The following MYO15B variants were observed in gnomAD, a reference collection of about 807,000 sequenced individuals.
The protein encoded by MYO15B is myosin XVB, also known as myosin XVB pseudogene.
In MYO15B, 207 loss-of-function variants were observed where a neutral mutation model predicts 119.3. The ratio of observed to expected loss-of-function variants is 1.73; its 90% CI spans 1.55 to 1.95. MYO15B has a LOEUF of 1.95. Among genes scored for constraint, MYO15B ranks in the 30% most tolerant of loss-of-function variants. The probability of loss-of-function intolerance (pLI) is 0.00; values close to 1 mark genes in which losing one functional copy is unlikely to be tolerated. For synonymous variants in MYO15B, 966 were observed against 498.9 expected (o/e 1.94, Z -12.48); for missense variants, 2,264 against 1,203.1 (o/e 1.88, Z -13.04).
At chr17:75,597,828 A>G (rs898835058) in intron 14 of MYO15B, among the ~76,000 whole-genome samples, 15 of 152,298 alleles carry the variant, frequency 9.8e-5, no homozygotes, top group African/African-American at 3.1e-4. Flanking sequence ...AGGTGGATGG[A>G]TTGCTTGAGC....
At chr17:75,626,226 C>A in exon 63 of MYO15B, 1 of 703,032 alleles carries the variant, frequency 1.4e-6, no homozygotes, top group Non-Finnish European at 2.6e-6. Flanking sequence ...TGAGCTGCCA[C>A]AGGTGAGTGG....
In MYO15B at chr17:75,605,638, CTG is replaced by C. The variant is rs1481893096; in HGVS notation, c.4134+22_4134+23del. On this transcript the variant is annotated intron_variant, in intron 20 of 63. Coordinates refer to ENST00000645453, the Ensembl canonical transcript of MYO15B. Reference sequence around the variant, plus strand: ...GCCACCAAGGTGGGTGTGTGTATCCCTGTGTGCAGAGGGCAGCATGAATGGGA... The same window carrying C: ...GCCACCAAGGTGGGTGTGTGTATCCCTGTGCAGAGGGCAGCATGAATGGGA... 2 of 702,784 alleles carry C rather than the reference CTG, an allele frequency of 2.8e-6. No individual in the cohort carries two copies. The highest frequency in any genetic ancestry group is 3.5e-5 in the African/African-American group (2 of 57,242). 43.5% of individuals were successfully genotyped at this position (702,784 alleles called of 1,614,324 possible).
exon 41 of MYO15B, chr17:75,617,094 C>G (rs2058421628): frequency 5.9e-6 from 4 of 677,766 alleles, no homozygotes; most frequent in Admixed American, 2.1e-5. Context: ...GATGCTGTCC[C>G]CCAGCCCAGG....
chr17:75,613,783 G>T lies in MYO15B; in HGVS notation c.5219+6G>T. 1.4e-6 allele frequency: 1 copy of T among 700,522 alleles called. No homozygotes were observed. Among genetic ancestry groups the T allele is most frequent in the Non-Finnish European group, 2.6e-6 (1 of 383,810 alleles). The allele number at this position is 700,522 out of a possible 1,614,324, so 43.4% of individuals were successfully genotyped here. A position where few individuals can be genotyped will look rare whatever the true frequency, so the allele number is the denominator to read the frequency against. On this transcript the variant is annotated splice_donor_region_variant and intron_variant, in intron 29 of 63. Transcript: ENST00000645453. ...GGGTGGATCCTGCAGAGCAGGTATG[G>T]GGACCGGGGATGGGGGACAGTGTGG...
chr17:75,590,665 G>A lies in MYO15B; in HGVS notation c.2226G>A (p.Lys742=), dbSNP rs144598115. Residue 742 remains lysine (K), a synonymous_variant, in exon 2 of 64, where the codon AAG becomes AAA. Transcript: ENST00000645453. ...GCTCTGTGCTGCTGTGCCTCAAGAA[G>A]AGATTTCACCTGGGCCGTATCTATG... The A allele has an allele frequency of 5.9e-3, 1,113 of 189,340 alleles. 13 individuals are homozygous for A. The highest frequency in any genetic ancestry group is 0.024 in the African/African-American group (1,048 of 43,024). The allele number at this position is 189,340 out of a possible 1,614,324, so 11.7% of individuals were successfully genotyped here.
intron 55 of MYO15B, 27 bp downstream of exon 55, chr17:75,624,091 A>C: frequency 1.4e-6 from 1 of 702,906 alleles, no homozygotes; most frequent in South Asian, 1.5e-5. Flanking sequence ...GAGATGGAGG[A>C]GAGGCAGGGG....
intron 28 of MYO15B, 113 bp downstream of exon 28, chr17:75,613,584 T>G: frequency 1.5e-6 from 1 of 648,112 alleles, no homozygotes; most frequent in Non-Finnish European, 2.8e-6. Flanking sequence ...CTGTCCTCAG[T>G]GACCCTGATC....
At chr17:75,588,690 C>T in exon 1 of MYO15B, 1 of 399,650 alleles carries the variant, frequency 2.5e-6, no homozygotes. Context: ...GCCTGGACAG[C>T]GACTGGCCCC....
chr17:75,615,351 T>C lies in MYO15B; in HGVS notation c.5740+13T>C. 1 of 701,088 alleles carries C rather than the reference T, an allele frequency of 1.4e-6. No homozygotes were observed. Among genetic ancestry groups the C allele is most frequent in the Non-Finnish European group, 2.6e-6 (1 of 383,830 alleles). 43.4% of individuals were successfully genotyped at this position (701,088 alleles called of 1,614,324 possible). On this transcript the variant is annotated intron_variant, in intron 34 of 63. Transcript: ENST00000645453. Reference sequence around the variant, plus strand: ...CCTGCCATGCCAGGTAAGTCTGGGCTGGGGGCACCAGAGTCCCTTCTCAGG... The same window carrying C: ...CCTGCCATGCCAGGTAAGTCTGGGCCGGGGGCACCAGAGTCCCTTCTCAGG...
intron 20 of MYO15B, 108 bp downstream of exon 20, chr17:75,605,729 G>C (rs999085961): frequency 1.5e-6 from 1 of 670,962 alleles, no homozygotes; most frequent in South Asian, 1.6e-5. Flanking sequence ...TCCAAGTGGT[G>C]GGAGACAGAA....
exon 21 of MYO15B, chr17:75,605,963 A>G (rs1169906735): frequency 1.4e-6 from 1 of 702,654 alleles, no homozygotes; most frequent in South Asian, 1.5e-5. Context: ...CCACACCTGC[A>G]TCTCCCGCCA....
exon 58 of MYO15B, chr17:75,624,617 C>T: frequency 1.4e-6 from 1 of 702,906 alleles, no homozygotes; most frequent in Non-Finnish European, 2.6e-6. Flanking sequence ...AGGAATTCGC[C>T]CTCTTCCTCA....
rs921267101 is a variant in MYO15B at position 75,607,780 on chromosome 17, A to G, written c.4292+1759A>G. Among the ~76,000 whole-genome samples the G allele has an allele frequency of 2.6e-5, 4 of 151,990 alleles. No individual in the cohort carries two copies. In the East Asian group the frequency reaches 7.7e-4, roughly 29 times the overall value. The stretch of plus-strand genomic sequence containing the variant: ...CCGGCCTGTTCTAGTCTGTTTACAA[A>G]TCTTTGGGGTATAGGCCAAGGAGTG... On this transcript the variant is annotated intron_variant, in intron 21 of 63. Transcript: ENST00000645453.
intron 29 of MYO15B, 97 bp downstream of exon 29, chr17:75,613,874 G>A: frequency 1.6e-6 from 1 of 616,090 alleles, no homozygotes; most frequent in Non-Finnish European, 2.9e-6. Context: ...CGGGAGGAGA[G>A]GTGCCCCGGG....
chr17:75,625,960 A>T (rs2059025110), exon 62 of MYO15B: 1 of 702,216 alleles, frequency 1.4e-6, no homozygotes. Flanking sequence ...TCTCATCCTC[A>T]TGGACCCCAG....
In MYO15B at chr17:75,606,325, T is replaced by C. The variant is rs534992254; in HGVS notation, c.4292+304T>C. On this transcript the variant is annotated intron_variant, in intron 21 of 63. Coordinates refer to ENST00000645453, the Ensembl canonical transcript of MYO15B. ...ACACTGTGGGAACAATCTTTGTTTTTTTTTTTGAGTTGGAGTTTTGCTCTT... is the reference window on the plus strand; with the variant it reads ...ACACTGTGGGAACAATCTTTGTTTTCTTTTTTGAGTTGGAGTTTTGCTCTT... Among the ~76,000 whole-genome samples the C allele has an allele frequency of 7.9e-5, 12 of 152,254 alleles. No homozygotes were observed. The South Asian group carries it at 2.5e-3, about 32-fold the overall frequency.
At position 75,614,695 on chromosome 17, in the gene MYO15B, G is replaced by A. The variant is rs1318941575; in HGVS notation, c.5482+12G>A. The A allele has an allele frequency of 1.4e-6, 1 of 702,552 alleles. No individual in the cohort carries two copies. Among genetic ancestry groups the A allele is most frequent in the East Asian group, 2.7e-5 (1 of 37,286 alleles). 43.5% of individuals were successfully genotyped at this position (702,552 alleles called of 1,614,324 possible). On this transcript the variant is annotated intron_variant, in intron 31 of 63. Coordinates refer to ENST00000645453, the Ensembl canonical transcript of MYO15B. The stretch of plus-strand genomic sequence containing the variant: ...CAGGGACCACACAGGTAAGGCTGGA[G>A]TGGGCACATGGAGGTTGGCAGAGCA...
At chr17:75,610,015 A>G (rs1413035040) in intron 21 of MYO15B, among the ~76,000 whole-genome samples, 151 bp from the exon 22 acceptor site, 2 of 152,122 alleles carry the variant, frequency 1.3e-5, no homozygotes, top group South Asian at 2.1e-4. Flanking sequence ...GAAGTATCCT[A>G]TTCTTTTCCT....
At chr17:75,619,177 G>A (rs942866445) in exon 44 of MYO15B, 21 of 702,764 alleles carry the variant, frequency 3.0e-5, no homozygotes, top group Admixed American at 8.0e-5. Context: ...TCCTGTATCC[G>A]GATTTCCCAG....
Sources: allele counts gnomAD v4.1 joint callset (sites outside exome capture counted in the v4.1 genomes callset), GRCh38; gene constraint gnomAD v4.1.1; transcripts MANE v1.5; gene names NCBI Gene and HGNC (gene_info 2026-07-23, HGNC 2026-07-21).